Variants in ANKS1A observed in about 807,000 individuals in gnomAD.
ANKS1A encodes ankyrin repeat and sterile alpha motif domain containing 1A, also known as ankyrin repeat and SAM domain-containing protein 1A.
A neutral mutation model predicts 120.3 loss-of-function variants in ANKS1A; 55 were observed. The observed-to-expected ratio is 0.46, with a 90% confidence interval of 0.37 to 0.57. The LOEUF is 0.57. Ranked by LOEUF, ANKS1A falls within the 20% of genes least tolerant of loss-of-function variation. ANKS1A has a pLI of 0.00. For synonymous variants in ANKS1A, 590 were observed against 604.7 expected, an observed-to-expected ratio of 0.98 and a Z score of 0.36; for missense variants, 1,123 against 1,480.3, an observed-to-expected ratio of 0.76 and a Z score of 3.96.
At chr6:34,960,932 A>G (rs1270834323) in intron 1 of ANKS1A, among the ~76,000 whole-genome samples, 1 of 152,226 alleles carries the variant, frequency 6.6e-6, no homozygotes, top group African/African-American at 2.4e-5. Flanking sequence ...CAAGTGGCGG[A>G]GGCGAGTTTT....
At chr6:35,033,368 A>G (rs1774997787) in intron 11 of ANKS1A, among the ~76,000 whole-genome samples, 1 of 152,190 alleles carries the variant, frequency 6.6e-6, no homozygotes, top group Admixed American at 6.5e-5. Context: ...CGGGCTTTAC[A>G]GGCACTTAAT....
intron 1 of ANKS1A, among the ~76,000 whole-genome samples, chr6:34,899,484 T>TA (rs774411353): frequency 3.8e-4 from 56 of 147,810 alleles, no homozygotes; most frequent in African/African-American, 6.4e-4. Flanking sequence ...CAGTTTCTAT[T>TA]AAAAAAAAAA....
chr6:34,894,421 G>C (rs1436207058), intron 1 of ANKS1A, among the ~76,000 whole-genome samples: 1 of 152,198 alleles, frequency 6.6e-6, no homozygotes, highest in East Asian at 1.9e-4. Flanking sequence ...GGAGGCTGAG[G>C]CAGCTGGATC....
At chr6:35,068,430 T>C (rs1561952892) in intron 13 of ANKS1A, among the ~76,000 whole-genome samples, 1 of 152,166 alleles carries the variant, frequency 6.6e-6, no homozygotes, top group Non-Finnish European at 1.5e-5. Context: ...GGTTTGTTAC[T>C]AAGCTTTGGC....
chr6:35,066,775 G>A (rs139409486), intron 13 of ANKS1A, among the ~76,000 whole-genome samples: 131 of 152,288 alleles, frequency 8.6e-4, no homozygotes, highest in African/African-American at 2.9e-3. Context: ...GTATGGGATA[G>A]GAAAGCAGAG....
rs1349276212 is a variant in ANKS1A at position 35,082,403 on chromosome 6, T to C, written c.2710-288T>C. On this transcript the variant is annotated intron_variant, in intron 17 of 23. Coordinates refer to ENST00000360359, the MANE Select transcript of ANKS1A (RefSeq NM_015245.3). The surrounding 1 kb of genome is among the most constrained non-coding windows in gnomAD (Gnocchi z 4.1). The stretch of plus-strand genomic sequence containing the variant: ...CACACAGACTCTGCCATCTCCTCTC[T>C]GGTCATTTCCCATCTCCTTTGAGAC... Among the ~76,000 whole-genome samples, 1 of 151,878 alleles carries C rather than the reference T, an allele frequency of 6.6e-6. No homozygotes were observed. Among genetic ancestry groups the C allele is most frequent in the Non-Finnish European group, 1.5e-5 (1 of 67,960 alleles).
intron 1 of ANKS1A, among the ~76,000 whole-genome samples, chr6:34,919,102 T>G (rs1258907456): frequency 6.6e-6 from 1 of 152,222 alleles, no homozygotes; most frequent in African/African-American, 2.4e-5. Flanking sequence ...TCCACCTGCC[T>G]TGGCCTCCCA....
chr6:34,983,790 A>ATT (rs11348002), intron 7 of ANKS1A, among the ~76,000 whole-genome samples: 86 of 136,664 alleles, frequency 6.3e-4, no homozygotes, highest in South Asian at 6.9e-4. Context: ...CGAGTAATAA[A>ATT]TTTTTTTTTT....
intron 3 of ANKS1A, among the ~76,000 whole-genome samples, chr6:34,973,949 C>CT (rs1178868585): frequency 3.7e-5 from 3 of 80,290 alleles, no homozygotes; most frequent in Non-Finnish European, 7.4e-5. Flanking sequence ...CTTCCCCTTC[C>CT]CTTCCCCTTC....
At chr6:34,977,384 C>T (rs573391224) in intron 3 of ANKS1A, among the ~76,000 whole-genome samples, 4 of 139,390 alleles carry the variant, frequency 2.9e-5, no homozygotes, top group East Asian at 2.1e-4. Context: ...AAACCTACTA[C>T]TAGCATTTTA....
chr6:34,903,670 T>C (rs1767486587), intron 1 of ANKS1A, among the ~76,000 whole-genome samples: 1 of 152,004 alleles, frequency 6.6e-6, no homozygotes, highest in African/African-American at 2.4e-5. Context: ...GCTAATTTTT[T>C]GTTCGTTTGT....
chr6:35,093,898 A>G (rs1286282638), downstream of ANKS1A, among the ~76,000 whole-genome samples: 1 of 152,230 alleles, frequency 6.6e-6, no homozygotes, highest in Non-Finnish European at 1.5e-5. Context: ...GAGGTGCCCA[A>G]CAACCTCACG....
chr6:35,042,270 C>T (rs879796006), intron 11 of ANKS1A, among the ~76,000 whole-genome samples: 31 of 152,244 alleles, frequency 2.0e-4, no homozygotes, highest in Non-Finnish European at 4.0e-4. Flanking sequence ...GCAGTGAGGA[C>T]GCAGTTGGAG....
chr6:35,020,452 G>A (rs562152504), intron 11 of ANKS1A, among the ~76,000 whole-genome samples: 53 of 152,122 alleles, frequency 3.5e-4, no homozygotes, highest in Non-Finnish European at 6.6e-4. Context: ...AATCCCTAGT[G>A]GATACTGAGG....
At chr6:34,947,435 C>A (rs1207777018) in intron 1 of ANKS1A, among the ~76,000 whole-genome samples, 1 of 152,156 alleles carries the variant, frequency 6.6e-6, no homozygotes, top group Admixed American at 6.5e-5. Context: ...ACGTGAGCCA[C>A]CATGCCCAGC....
At chr6:35,001,707 C>T (rs1452362829) in intron 10 of ANKS1A, among the ~76,000 whole-genome samples, 8 of 152,186 alleles carry the variant, frequency 5.3e-5, no homozygotes, top group Non-Finnish European at 8.8e-5. Flanking sequence ...TGTTCATCCC[C>T]GAGCGGATGT....
intron 11 of ANKS1A, among the ~76,000 whole-genome samples, chr6:35,028,826 T>C (rs1774757865): frequency 6.6e-6 from 1 of 152,258 alleles, no homozygotes; most frequent in Non-Finnish European, 1.5e-5. Context: ...TATTTTTGTT[T>C]CTTGTAGGTG....
chr6:34,971,591 T>G (rs1771187217), intron 3 of ANKS1A, among the ~76,000 whole-genome samples: 1 of 152,190 alleles, frequency 6.6e-6, no homozygotes, highest in African/African-American at 2.4e-5. Flanking sequence ...GGACTATTTT[T>G]CTAATGACTT....
At chr6:34,956,175 A>G (rs1770351067) in intron 1 of ANKS1A, among the ~76,000 whole-genome samples, 1 of 150,882 alleles carries the variant, frequency 6.6e-6, no homozygotes, top group African/African-American at 2.4e-5. Context: ...CATTATTTAT[A>G]TTTTTATTTA....
Sources: gnomAD v4.1 joint callset for allele counts (sites outside exome capture counted in the v4.1 genomes callset) on GRCh38, gnomAD v4.1.1 for gene constraint, Gnocchi (gnomAD v3.1) non-coding constraint, MANE v1.5 for transcripts, NCBI Gene and HGNC (gene_info 2026-07-23, HGNC 2026-07-21) for gene names.